The following ATP11A variants were observed in gnomAD, a reference collection of about 807,000 sequenced individuals.
ATP11A encodes the protein phospholipid-transporting ATPase IH.
Under a neutral mutation model 154.4 loss-of-function variants are expected in ATP11A, and 81 were observed. That is an observed-to-expected ratio of 0.52 (90% CI 0.44 to 0.63). The LOEUF (loss-of-function observed/expected upper bound fraction) is 0.63. Ranked by LOEUF, ATP11A falls within the 30% of genes least tolerant of loss-of-function variation. The pLI is 0.00. For missense variants in ATP11A, 1,316 were observed against 1,474.3 expected, an observed-to-expected ratio of 0.89 and a Z score of 1.76; for synonymous variants, 623 against 585.9, an observed-to-expected ratio of 1.06 and a Z score of -0.91.
rs1886075888 is a variant in ATP11A at position 112,697,957 on chromosome 13, C to T, written c.39+7502C>T. Among the ~76,000 whole-genome samples the T allele has an allele frequency of 6.6e-6, 1 of 152,120 alleles. No homozygotes were observed. The highest frequency in any genetic ancestry group is 2.4e-5 in the African/African-American group (1 of 41,428). On this transcript the variant is annotated intron_variant, in intron 1 of 29. Transcript: ENST00000375645. This position sits in a 1 kb window ranked among gnomAD's most constrained non-coding sequence, Gnocchi z 4.0. The stretch of plus-strand genomic sequence containing the variant: ...AAACAACATGCCAACCTCTGGCATG[C>T]AGGACCTTTGCTTTCCAGGCAGGCA...
chr13:112,799,515 AG>A (rs770471918), intron 2 of ATP11A, among the ~76,000 whole-genome samples: 48 of 149,338 alleles, frequency 3.2e-4, no homozygotes, highest in Non-Finnish European at 5.6e-4. Context: ...CACAAGGTGC[AG>A]GGTGGGGAGG....
At position 112,826,843 on chromosome 13, in the gene ATP11A, C is replaced by T. The variant is rs754520732; in HGVS notation, c.1173C>T (p.Gly391=). 6.8e-6 allele frequency: 11 copies of T among 1,614,124 alleles called. No individual in the cohort carries two copies. The highest frequency in any genetic ancestry group is 1.7e-5 in the Admixed American group (1 of 60,000). The change falls in exon 12 of 30, where the codon GGC becomes GGT. Residue 391 remains glycine, a synonymous_variant. Transcript: ENST00000375645. ...AAGACATGTTTGACGAGGAGACTGG[C>T]GAGGGGCCTCTGGTGAACACGTCGG... ...WDEDMFDEET[G]EGPLVNTSDL...
intron 2 of ATP11A, among the ~76,000 whole-genome samples, chr13:112,790,994 G>T (rs928318360): frequency 1.3e-5 from 2 of 152,222 alleles, no homozygotes; most frequent in African/African-American, 4.8e-5. Flanking sequence ...CATGGAAGGA[G>T]AAATGTACTG....
intron 8 of ATP11A, 45 bp from the exon 9 acceptor site, chr13:112,823,300 C>G (rs1281812392): frequency 6.5e-7 from 1 of 1,543,340 alleles, no homozygotes; most frequent in Admixed American, 1.7e-5. Context: ...GCCCTGCCCA[C>G]TTGCCTTCGT....
At chr13:112,729,441 G>A (rs759357923) in intron 1 of ATP11A, among the ~76,000 whole-genome samples, 26 of 150,900 alleles carry the variant, frequency 1.7e-4, no homozygotes, top group Non-Finnish European at 3.1e-4. Flanking sequence ...CTGAGGCAGC[G>A]CGGTTCCCAC....
At chr13:112,788,386 C>T (rs569612848) in intron 2 of ATP11A, among the ~76,000 whole-genome samples, 7 of 144,480 alleles carry the variant, frequency 4.8e-5, no homozygotes, top group East Asian at 4.4e-4. Flanking sequence ...TAATTCACAC[C>T]GGTGTCCTGA....
intron 28 of ATP11A, among the ~76,000 whole-genome samples, chr13:112,876,935 GA>G (rs922777144): frequency 5.3e-5 from 8 of 152,234 alleles, no homozygotes; most frequent in Admixed American, 3.9e-4. Flanking sequence ...ATCAGAATGG[GA>G]CCCTGGCTTG....
chr13:112,882,212 C>CAACACTG lies in ATP11A; in HGVS notation c.*346_*347insAACACTG, dbSNP rs2080903266. The stretch of plus-strand genomic sequence containing the variant: ...GGTTGTTGAGCCACACCAGTGGCCT[C>CAACACTG]TGGGCATTCGGCTCAACGCAGGAGG... On this transcript the variant is annotated 3_prime_UTR_variant, in exon 30 of 30. Coordinates refer to ENST00000375645, the MANE Select transcript of ATP11A (RefSeq NM_015205.3). This position sits in a 1 kb window ranked among gnomAD's most constrained non-coding sequence, Gnocchi z 5.1. 1 of 1,053,790 alleles carries CAACACTG rather than the reference C, an allele frequency of 9.5e-7. No individual in the cohort carries two copies. The highest frequency in any genetic ancestry group is 4.9e-5 in the East Asian group (1 of 20,204). The allele number at this position is 1,053,790 out of a possible 1,614,324, so 65.3% of individuals were successfully genotyped here.
In ATP11A at chr13:112,806,282, G is replaced by A. The variant is rs951679792; in HGVS notation, c.322G>A (p.Ala108Thr). 1 of 1,612,522 alleles carries A rather than the reference G, an allele frequency of 6.2e-7. No individual in the cohort carries two copies. The highest frequency in any genetic ancestry group is 8.5e-7 in the Non-Finnish European group (1 of 1,178,988). The change falls in exon 4 of 30, where the codon GCT becomes ACT. Residue 108 changes from alanine to threonine, a missense_variant. Ala to Thr is a moderately conservative substitution (Grantham distance 58). Coordinates refer to ENST00000375645, the MANE Select transcript of ATP11A (RefSeq NM_015205.3). ...LPLFFVITVTAIKQGYEDWLR... is the reference protein window; with the variant it reads ...LPLFFVITVTTIKQGYEDWLR... ...ACTCTTCTTTGTCATTACTGTGACGGCTATCAAACAGGTAAGCATTTTACA... is the reference window on the plus strand; with the variant it reads ...ACTCTTCTTTGTCATTACTGTGACGACTATCAAACAGGTAAGCATTTTACA...
At chr13:112,725,442 C>G (rs537059285) in intron 1 of ATP11A, among the ~76,000 whole-genome samples, 2 of 152,334 alleles carry the variant, frequency 1.3e-5, no homozygotes, top group East Asian at 1.9e-4. Flanking sequence ...CCCCTGCCAC[C>G]TGGGTTTCTC....
rs574818355 is a variant in ATP11A, at chr13:112,782,269, C to T, written c.40-2866C>T. ...TGGAAGCGGCCGGGAAGCGTGGGCT[C>T]GCTGTGGCATGGGCAATGCCACACG... On this transcript the variant is annotated intron_variant, in intron 1 of 29. Coordinates refer to ENST00000375645, the MANE Select transcript of ATP11A (RefSeq NM_015205.3). Among the ~76,000 whole-genome samples the T allele has an allele frequency of 3.0e-3, 454 of 152,288 alleles. 2 individuals carry two copies. The highest frequency in any genetic ancestry group is 6.8e-3 in the Middle Eastern group (2 of 294).
chr13:112,753,663 G>C lies in ATP11A; in HGVS notation c.40-31472G>C, dbSNP rs1207038692. On this transcript the variant is annotated intron_variant, in intron 1 of 29. Transcript: ENST00000375645. The surrounding 1 kb of genome is among the most constrained non-coding windows in gnomAD (Gnocchi z 4.1). ...CCATCTTTCATTTGGGTTGTGTCTT[G>C]AGGAGCTCTTTATATACTTCTTTAT... 6.6e-6 allele frequency among the ~76,000 whole-genome samples: 1 copy of C among 152,070 alleles called. No homozygotes were observed.
intron 1 of ATP11A, among the ~76,000 whole-genome samples, chr13:112,771,065 A>G (rs998440317): frequency 4.6e-5 from 7 of 152,188 alleles, no homozygotes; most frequent in Non-Finnish European, 8.8e-5. Flanking sequence ...TGAAACTTCC[A>G]TTAGGTGTCT....
chr13:112,839,895 A>G (rs2140281579), intron 16 of ATP11A, among the ~76,000 whole-genome samples: 1 of 152,338 alleles, frequency 6.6e-6, no homozygotes, highest in Non-Finnish European at 1.5e-5. Context: ...CATTTGGACC[A>G]CAGTTCTCAT....
At chr13:112,774,581 A>G (rs1193243159) in intron 1 of ATP11A, among the ~76,000 whole-genome samples, 3 of 152,256 alleles carry the variant, frequency 2.0e-5, no homozygotes, top group African/African-American at 7.2e-5. Flanking sequence ...ACCAGATCAC[A>G]GTTGCGGCTC....
chr13:112,777,785 A>G (rs1447843830), intron 1 of ATP11A, among the ~76,000 whole-genome samples: 1 of 152,212 alleles, frequency 6.6e-6, no homozygotes, highest in Non-Finnish European at 1.5e-5. Flanking sequence ...CACACATATC[A>G]GGAGAAGGGA....
chr13:112,789,438 C>CT (rs2077769607), intron 2 of ATP11A, among the ~76,000 whole-genome samples: 1 of 145,876 alleles, frequency 6.9e-6, no homozygotes, highest in Admixed American at 6.8e-5. Context: ...TAATTCACAC[C>CT]GGTATCCTGA....
At chr13:112,765,941 C>T (rs2077066218) in intron 1 of ATP11A, among the ~76,000 whole-genome samples, 1 of 152,274 alleles carries the variant, frequency 6.6e-6, no homozygotes, top group African/African-American at 2.4e-5. Flanking sequence ...GGCTTCCTTG[C>T]AGGCCGGTGT....
rs141054677 is a variant in ATP11A at position 112,817,373 on chromosome 13, C to G, written c.570+1162C>G. ...TATCATGAATTGATAGATGAAAAAC[C>G]TATGGATCTTTTTCAGTTAAATTAG... On this transcript the variant is annotated intron_variant, in intron 6 of 29. Coordinates refer to ENST00000375645, the MANE Select transcript of ATP11A (RefSeq NM_015205.3). 2.0e-3 allele frequency among the ~76,000 whole-genome samples: 300 copies of G among 152,192 alleles called. 1 individual carries two copies. Among genetic ancestry groups the G allele is most frequent in the African/African-American group, 6.2e-3 (259 of 41,522 alleles).
Sources: allele counts gnomAD v4.1 joint callset (sites outside exome capture counted in the v4.1 genomes callset), GRCh38; gene constraint gnomAD v4.1.1; non-coding constraint Gnocchi (gnomAD v3.1); transcripts MANE v1.5; gene names NCBI Gene and HGNC (gene_info 2026-07-23, HGNC 2026-07-21).